INPP5F: variants seen among roughly 807,000 people sequenced by gnomAD.
INPP5F encodes phosphatidylinositide 4-phosphatase SAC2.
In INPP5F, 97 loss-of-function variants were observed where a neutral mutation model predicts 137.2. The ratio of observed to expected loss-of-function variants is 0.71; its 90% CI spans 0.60 to 0.84. The LOEUF is 0.84. Ranked by LOEUF, INPP5F falls within the 40% of genes least tolerant of loss-of-function variation. The probability of loss-of-function intolerance (pLI) is 0.00; values close to 1 mark genes in which losing one functional copy is unlikely to be tolerated. For synonymous variants in INPP5F, 504 were observed against 476.9 expected, an observed-to-expected ratio of 1.06 and a Z score of -0.74; for missense variants, 1,271 against 1,371.9, an observed-to-expected ratio of 0.93 and a Z score of 1.16.
chr10:119,726,271 CT>C lies in INPP5F; in HGVS notation c.11del (p.Phe4SerfsTer45). ...GGGCGCGCGGGGCCAGCATGGAGCTCTTCCAAGCCAAGGACCACTACATCCT... is the reference window on the plus strand; with the variant it reads ...GGGCGCGCGGGGCCAGCATGGAGCTCTCCAAGCCAAGGACCACTACATCCT... Reference protein sequence around the residue: MELFQAKDHYILQQ... With the variant: MELXQAKDHYILQQ... On this transcript the variant is annotated frameshift_variant, in exon 1 of 20. Coordinates refer to ENST00000650623, the MANE Select transcript of INPP5F (RefSeq NM_014937.4). LOFTEE classifies it high-confidence loss of function. The C allele has an allele frequency of 6.7e-7, 1 of 1,483,938 alleles. No individual in the cohort carries two copies. The highest frequency in any genetic ancestry group is 9.0e-7 in the Non-Finnish European group (1 of 1,116,804). 91.9% of individuals were successfully genotyped at this position (1,483,938 alleles called of 1,614,324 possible). A position where few individuals can be genotyped will look rare whatever the true frequency, so the allele number is the denominator to read the frequency against.
In INPP5F at chr10:119,733,047, TG is replaced by T. The variant is rs1448844617; in HGVS notation, c.97+6689del. Among the ~76,000 whole-genome samples the T allele has an allele frequency of 1.1e-4, 17 of 152,338 alleles. No individual in the cohort carries two copies. In the East Asian group the frequency reaches 3.3e-3, roughly 29 times the overall value. The stretch of plus-strand genomic sequence containing the variant: ...TTCCTCAGTATTGACAAAAATGTTT[TG>T]TGAACCTTTCTACCTTCTTGACTAC... On this transcript the variant is annotated intron_variant, in intron 1 of 19. Transcript: ENST00000650623.
chr10:119,800,392 GAAAAAAA>G (rs35460473), intron 9 of INPP5F, among the ~76,000 whole-genome samples: 1 of 117,522 alleles, frequency 8.5e-6, no homozygotes, highest in Non-Finnish European at 1.8e-5. Context: ...TGTCTCTACT[GAAAAAAA>G]AAAAAAAAAA....
intron 2 of INPP5F, among the ~76,000 whole-genome samples, chr10:119,755,608 A>C (rs1175802314): frequency 1.3e-5 from 2 of 152,168 alleles, no homozygotes; most frequent in Non-Finnish European, 2.9e-5. Flanking sequence ...AAAGCATGTC[A>C]AAAAGAATTC....
intron 2 of INPP5F, among the ~76,000 whole-genome samples, chr10:119,753,187 A>T (rs987216592): frequency 6.6e-6 from 1 of 152,152 alleles, no homozygotes; most frequent in Non-Finnish European, 1.5e-5. Context: ...CTGAGCTAAA[A>T]TTCGTTTTCT....
chr10:119,765,718 C>T (rs892441880), intron 2 of INPP5F, among the ~76,000 whole-genome samples: 1 of 148,880 alleles, frequency 6.7e-6, no homozygotes, highest in Non-Finnish European at 1.5e-5. Context: ...GCACCCCTAA[C>T]TCCTGCATTG....
chr10:119,789,027 A>G (rs2134198756), intron 3 of INPP5F, among the ~76,000 whole-genome samples: 1 of 152,224 alleles, frequency 6.6e-6, no homozygotes, highest in Non-Finnish European at 1.5e-5. Context: ...GGAGTTCGAG[A>G]CCAGCCTGAC....
At chr10:119,781,847 AC>A in intron 3 of INPP5F, 76 bp downstream of exon 3, 1 of 1,201,410 alleles carries the variant, frequency 8.3e-7, no homozygotes, top group African/African-American at 1.5e-5. Context: ...GGTTCAGTAG[AC>A]CAGAAACTTA....
rs1032685824 is a variant in INPP5F, at chr10:119,806,444, C to A, written c.1404C>A (p.Val468=). 1 of 1,608,766 alleles carries A rather than the reference C, an allele frequency of 6.2e-7. No homozygotes were observed. The highest frequency in any genetic ancestry group is 1.3e-5 in the African/African-American group (1 of 74,762). ...CMDCLDRTNV[V]QAAIARVVME... Reference sequence around the variant, plus strand: ...ACTGCCTGGATCGCACCAACGTGGTCCAAGCTGCCATCGCGAGAGTGGTCA... The same window carrying A: ...ACTGCCTGGATCGCACCAACGTGGTACAAGCTGCCATCGCGAGAGTGGTCA... The change falls in exon 12 of 20, where the codon GTC becomes GTA. Residue 468 remains valine (V), a synonymous_variant. Transcript: ENST00000650623.
At chr10:119,741,601 C>T (rs1848377129) in intron 1 of INPP5F, among the ~76,000 whole-genome samples, 1 of 152,164 alleles carries the variant, frequency 6.6e-6, no homozygotes, top group Non-Finnish European at 1.5e-5. Context: ...GTGGCGTGAT[C>T]TTGGCTCATT....
chr10:119,729,527 T>C (rs572916362), intron 1 of INPP5F, among the ~76,000 whole-genome samples: 6 of 152,060 alleles, frequency 3.9e-5, no homozygotes, highest in Non-Finnish European at 7.4e-5. Flanking sequence ...TGAGGAAAGG[T>C]ACACCTGCAC....
intron 2 of INPP5F, among the ~76,000 whole-genome samples, chr10:119,762,542 T>G (rs920985137): frequency 7.2e-5 from 11 of 152,128 alleles, no homozygotes; most frequent in African/African-American, 2.7e-4. Flanking sequence ...AGGTTCCACA[T>G]CTGCAGATGG....
intron 3 of INPP5F, 129 bp from the exon 4 acceptor site, chr10:119,791,388 T>C: frequency 1.4e-6 from 1 of 720,302 alleles, no homozygotes; most frequent in Non-Finnish European, 2.4e-6. Context: ...AATTGTCTAC[T>C]TGATAATTTT....
intron 2 of INPP5F, among the ~76,000 whole-genome samples, chr10:119,764,645 G>A (rs749879339): frequency 2.7e-5 from 4 of 150,124 alleles, no homozygotes; most frequent in African/African-American, 7.4e-5. Context: ...GCAGTGGTGC[G>A]ACCTCGGCTC....
At chr10:119,727,347 T>C (rs976907904) in intron 1 of INPP5F, among the ~76,000 whole-genome samples, 1 of 152,276 alleles carries the variant, frequency 6.6e-6, no homozygotes, top group Non-Finnish European at 1.5e-5. Context: ...AAGGTTCAGA[T>C]GAGCTTTTCA....
chr10:119,819,749 G>A, intron 15 of INPP5F: 1 of 389,004 alleles, frequency 2.6e-6, no homozygotes, highest in African/African-American at 2.1e-5. Context: ...GCAAATTGAG[G>A]TGAATTTGTT....
At chr10:119,727,722 C>T (rs990509298) in intron 1 of INPP5F, among the ~76,000 whole-genome samples, 2 of 152,120 alleles carry the variant, frequency 1.3e-5, no homozygotes, top group African/African-American at 4.8e-5. Context: ...ACTCCTTGGC[C>T]CAGATAAAGT....
intron 15 of INPP5F, chr10:119,819,333 C>T (rs1254612413): frequency 9.1e-7 from 1 of 1,102,324 alleles, no homozygotes; most frequent in Non-Finnish European, 1.1e-6. Flanking sequence ...TTGACATTTT[C>T]CGACTGCCTG....
chr10:119,763,577 A>C (rs1439930325), intron 2 of INPP5F, among the ~76,000 whole-genome samples: 1 of 152,088 alleles, frequency 6.6e-6, no homozygotes, highest in Non-Finnish European at 1.5e-5. Flanking sequence ...TTCATCTCAC[A>C]CTGGCTGTTC....
chr10:119,816,717 G>T (rs1168666613), intron 15 of INPP5F: 2 of 152,336 alleles, frequency 1.3e-5, no homozygotes, highest in Non-Finnish European at 2.9e-5. Context: ...AGTGGAAGTG[G>T]GGTTGCGGGT....
Sources: gnomAD v4.1 joint callset for allele counts (sites outside exome capture counted in the v4.1 genomes callset) on GRCh38, gnomAD v4.1.1 for gene constraint, MANE v1.5 for transcripts, NCBI Gene and HGNC (gene_info 2026-07-23, HGNC 2026-07-21) for gene names.